The following AGMO variants were observed in gnomAD, a reference collection of about 807,000 sequenced individuals.
AGMO encodes the protein glyceryl-ether monooxygenase.
AGMO carries 75 observed loss-of-function variants against 60.2 expected under a neutral mutation model. The observed-to-expected ratio is 1.25, with a 90% CI of 1.03 to 1.51. The LOEUF (loss-of-function observed/expected upper bound fraction) is 1.51. Ranked by LOEUF, AGMO falls within the 40% of genes most tolerant of loss-of-function variation. The pLI, the probability that AGMO is intolerant of heterozygous loss-of-function variation, is 0.00. For synonymous variants in AGMO, 261 were observed against 177.1 expected, an observed-to-expected ratio of 1.47 and a Z score of -3.76; for missense variants, 763 against 525.5, an observed-to-expected ratio of 1.45 and a Z score of -4.42.
chr7:15,509,370 G>GC (rs1783611719), intron 3 of AGMO, among the ~76,000 whole-genome samples: 1 of 95,406 alleles, frequency 1.0e-5, no homozygotes, highest in Admixed American at 1.4e-4. Flanking sequence ...AGACCCACAT[G>GC]CAAAAAAAAA....
In AGMO at chr7:15,394,099, C is replaced by G. The variant is rs1562483825; in HGVS notation, c.676+14G>C. Reference sequence around the variant, plus strand: ...AGAAATGAAGAAAAGAGAGAAGAAACAAAACTTCCTTACCATGATGAACCC... The same window carrying G: ...AGAAATGAAGAAAAGAGAGAAGAAAGAAAACTTCCTTACCATGATGAACCC... On this transcript the variant is annotated intron_variant, in intron 6 of 12. Transcript: ENST00000342526. The G allele has an allele frequency of 5.6e-6, 9 of 1,595,126 alleles. No homozygotes were observed. The highest frequency in any genetic ancestry group is 7.7e-6 in the Non-Finnish European group (9 of 1,166,240).
At chr7:15,375,948 C>A (rs1391250344) in intron 10 of AGMO, among the ~76,000 whole-genome samples, 1 of 152,010 alleles carries the variant, frequency 6.6e-6, no homozygotes, top group South Asian at 2.1e-4. Flanking sequence ...TCAAAGTTAA[C>A]ATTCTATTAT....
chr7:15,207,846 T>C (rs954637081), intron 12 of AGMO, among the ~76,000 whole-genome samples: 7 of 152,064 alleles, frequency 4.6e-5, no homozygotes, highest in East Asian at 3.9e-4. Flanking sequence ...AGACAGGAGA[T>C]TGGCATGAAG....
At chr7:15,514,265 A>T (rs964580589) in intron 3 of AGMO, among the ~76,000 whole-genome samples, 1 of 152,154 alleles carries the variant, frequency 6.6e-6, no homozygotes, top group Non-Finnish European at 1.5e-5. Flanking sequence ...AAAGTTTCTG[A>T]GATTGACTAT....
the AGMO span, among the ~76,000 whole-genome samples, chr7:15,156,504 G>A: frequency 6.6e-6 from 1 of 152,172 alleles, no homozygotes; most frequent in Non-Finnish European, 1.5e-5. Flanking sequence ...ATGCAGGCTG[G>A]AGTTCTGTCT....
At chr7:15,269,391 C>T (rs936591426) in intron 12 of AGMO, among the ~76,000 whole-genome samples, 2 of 151,960 alleles carry the variant, frequency 1.3e-5, no homozygotes, top group South Asian at 2.1e-4. Context: ...CAAGTGAGCA[C>T]ATGAGAACAA....
At chr7:15,411,800 AT>A (rs1438995808) in intron 5 of AGMO, among the ~76,000 whole-genome samples, 4 of 152,000 alleles carry the variant, frequency 2.6e-5, no homozygotes, top group African/African-American at 9.7e-5. Context: ...AATAGTATGT[AT>A]TTTTTTCTTT....
At chr7:15,219,008 G>A (rs1045885759) in intron 12 of AGMO, among the ~76,000 whole-genome samples, 38 of 152,148 alleles carry the variant, frequency 2.5e-4, no homozygotes, top group African/African-American at 9.2e-4. Flanking sequence ...AACAAGTCAG[G>A]TAAAGCTGTC....
chr7:15,460,710 A>G (rs893572798), intron 3 of AGMO, among the ~76,000 whole-genome samples: 1 of 152,160 alleles, frequency 6.6e-6, no homozygotes, highest in Admixed American at 6.5e-5. Flanking sequence ...CATTAGTGAA[A>G]AATATGCCAA....
At chr7:15,140,588 T>C in the AGMO span, among the ~76,000 whole-genome samples, 24 of 152,150 alleles carry the variant, frequency 1.6e-4, no homozygotes, top group African/African-American at 5.5e-4. Flanking sequence ...CTTGCTTCCT[T>C]GTGCCATATT....
rs60044874 is a variant in AGMO at position 15,354,496 on chromosome 7, GTATATATATATATATATATA to G, written c.1263+10998_1263+11017del. Among the ~76,000 whole-genome samples, 170 of 18,802 alleles carry G rather than the reference GTATATATATATATATATATA, an allele frequency of 9.0e-3. 11 individuals carry two copies. Among genetic ancestry groups the G allele is most frequent in the Non-Finnish European group, 0.01 (110 of 10,836 alleles). 12.3% of individuals were successfully genotyped at this position (18,802 alleles called of 152,430 possible). A position where few individuals can be genotyped will look rare whatever the true frequency, so the allele number is the denominator to read the frequency against. ...TACACACGTGTGTATATACACACGT[GTATATATATATATATATATA>G]TATATATATATATATATATATATAG... On this transcript the variant is annotated intron_variant, in intron 12 of 12. Transcript: ENST00000342526.
intron 12 of AGMO, among the ~76,000 whole-genome samples, chr7:15,265,308 T>C (rs1232300374): frequency 1.3e-5 from 2 of 151,882 alleles, no homozygotes; most frequent in African/African-American, 4.8e-5. Context: ...GGGAGAGAAG[T>C]GTGGGCTAAA....
intron 12 of AGMO, among the ~76,000 whole-genome samples, chr7:15,243,494 C>T (rs1001040456): frequency 2.6e-5 from 4 of 151,950 alleles, no homozygotes; most frequent in Non-Finnish European, 5.9e-5. Flanking sequence ...CTAGTGTTGG[C>T]GTATGACGGA....
chr7:15,557,803 A>C (rs1785187041), intron 2 of AGMO, among the ~76,000 whole-genome samples: 1 of 152,070 alleles, frequency 6.6e-6, no homozygotes, highest in Non-Finnish European at 1.5e-5. Context: ...GAAAGGAGTA[A>C]TTTGCTATTC....
intron 5 of AGMO, among the ~76,000 whole-genome samples, chr7:15,403,476 T>C (rs1784608619): frequency 6.6e-6 from 1 of 151,472 alleles, no homozygotes; most frequent in Non-Finnish European, 1.5e-5. Flanking sequence ...TTTTAATGTC[T>C]ACTAATTTAT....
chr7:15,440,220 A>G (rs1451530338), intron 3 of AGMO, among the ~76,000 whole-genome samples: 1 of 152,190 alleles, frequency 6.6e-6, no homozygotes, highest in Non-Finnish European at 1.5e-5. Context: ...GTCTTTATAC[A>G]GGCAGATCTG....
chr7:15,309,164 C>G (rs748370374), intron 12 of AGMO, among the ~76,000 whole-genome samples: 2 of 152,038 alleles, frequency 1.3e-5, no homozygotes, highest in Non-Finnish European at 2.9e-5. Flanking sequence ...AAGACAAGCC[C>G]TGCTAAAAAT....
At chr7:15,541,161 ACC>A (rs1583666332) in intron 3 of AGMO, among the ~76,000 whole-genome samples, 1 of 151,916 alleles carries the variant, frequency 6.6e-6, no homozygotes, top group African/African-American at 2.4e-5. Context: ...TCGCTCTGTC[ACC>A]CCAGGCTGGA....
intron 12 of AGMO, among the ~76,000 whole-genome samples, chr7:15,264,541 A>G (rs1783374918): frequency 6.6e-6 from 1 of 152,116 alleles, no homozygotes; most frequent in Non-Finnish European, 1.5e-5. Context: ...TAATCTGACA[A>G]AGGTCTAATA....
Sources: allele counts gnomAD v4.1 joint callset (sites outside exome capture counted in the v4.1 genomes callset), GRCh38; gene constraint gnomAD v4.1.1; transcripts MANE v1.5; gene names NCBI Gene and HGNC (gene_info 2026-07-23, HGNC 2026-07-21).